REV3L: variants seen among roughly 807,000 people sequenced by gnomAD.
REV3L encodes DNA polymerase zeta catalytic subunit.
Under a neutral mutation model 299.4 loss-of-function variants are expected in REV3L, and 69 were observed. The ratio of observed to expected loss-of-function variants is 0.23; its 90% CI spans 0.19 to 0.28. The LOEUF (loss-of-function observed/expected upper bound fraction) is 0.28, where lower values mean the gene tolerates loss of function less well. REV3L is among the 10% of genes least tolerant of loss of function. The pLI is 1.00. For missense variants in REV3L, 3,128 were observed against 3,693.8 expected (o/e 0.85, Z 3.97); for synonymous variants, 1,238 against 1,271.4 (o/e 0.97, Z 0.56).
intron 31 of REV3L, among the ~76,000 whole-genome samples, chr6:111,300,999 G>A (rs1401342941): frequency 3.3e-5 from 5 of 152,196 alleles, no homozygotes; most frequent in East Asian, 1.9e-4. Flanking sequence ...TTCAGAAAGC[G>A]AATAGGAGAA....
At chr6:111,457,838 G>C (rs1351884462) in intron 1 of REV3L, among the ~76,000 whole-genome samples, 1 of 151,700 alleles carries the variant, frequency 6.6e-6, no homozygotes, top group Non-Finnish European at 1.5e-5. Flanking sequence ...TGCTAAACCA[G>C]AGAACCAAAA....
intron 1 of REV3L, among the ~76,000 whole-genome samples, chr6:111,450,425 G>T (rs904228924): frequency 1.5e-5 from 2 of 135,636 alleles, no homozygotes; most frequent in Admixed American, 1.7e-4. Context: ...GCTGCAGTGA[G>T]CCATGCTTGT....
intron 18 of REV3L, among the ~76,000 whole-genome samples, chr6:111,354,602 GT>G (rs1426165755): frequency 1.3e-5 from 2 of 152,064 alleles, no homozygotes; most frequent in African/African-American, 4.8e-5. Flanking sequence ...TAAAACACCT[GT>G]TTTCAAGTTC....
intron 15 of REV3L, 72 bp from the exon 16 acceptor site, chr6:111,364,050 A>T (rs1778964163): frequency 6.5e-7 from 1 of 1,545,404 alleles, no homozygotes; most frequent in African/African-American, 1.4e-5. Flanking sequence ...TTGATTACTT[A>T]TTCTCAGATA....
In REV3L at chr6:111,462,237, T is replaced by C. The variant is rs532791028; in HGVS notation, c.139+20513A>G. On this transcript the variant is annotated intron_variant, in intron 1 of 31. Transcript: ENST00000368802. Reference sequence around the variant, plus strand: ...ATACAATGGAGAGATGGAAATCTCATGTCTATTGCTAATATGTATGAAATT... The same window carrying C: ...ATACAATGGAGAGATGGAAATCTCACGTCTATTGCTAATATGTATGAAATT... Among the ~76,000 whole-genome samples, 10 of 152,278 alleles carry C rather than the reference T, an allele frequency of 6.6e-5. No individual in the cohort carries two copies. The South Asian group carries it at 1.7e-3, about 25-fold the overall frequency.
intron 26 of REV3L, among the ~76,000 whole-genome samples, chr6:111,318,853 G>A (rs1274915462): frequency 1.3e-5 from 2 of 151,986 alleles, no homozygotes; most frequent in Non-Finnish European, 2.9e-5. Flanking sequence ...CACCGCGCCC[G>A]GCCGTATGCA....
intron 13 of REV3L, among the ~76,000 whole-genome samples, chr6:111,371,744 A>T (rs865867680): frequency 2.0e-5 from 3 of 152,168 alleles, no homozygotes; most frequent in Non-Finnish European, 2.9e-5. Flanking sequence ...TTGTATTTTT[A>T]GTAGAGACAG....
At chr6:111,363,726 G>T in intron 16 of REV3L, 127 bp downstream of exon 16, 1 of 838,564 alleles carries the variant, frequency 1.2e-6, no homozygotes, top group Non-Finnish European at 1.8e-6. Context: ...ATGAGAACAA[G>T]ATGAAGATTA....
chr6:111,351,645 T>C (rs769982613), intron 19 of REV3L, 31 bp downstream of exon 19: 1 of 1,538,334 alleles, frequency 6.5e-7, no homozygotes, highest in Non-Finnish European at 9.0e-7. Flanking sequence ...GCTCTGTAGT[T>C]GAATGACAAA....
At chr6:111,371,558 C>CTT (rs1032722759) in intron 13 of REV3L, among the ~76,000 whole-genome samples, 19 of 137,600 alleles carry the variant, frequency 1.4e-4, no homozygotes, top group Admixed American at 2.2e-4. Context: ...GCCCAGCTAT[C>CTT]TTTTTTTTTT....
At chr6:111,452,074 G>A (rs1789610281) in intron 1 of REV3L, among the ~76,000 whole-genome samples, 2 of 150,744 alleles carry the variant, frequency 1.3e-5, no homozygotes, top group African/African-American at 5.0e-5. Context: ...CACCAAAGAA[G>A]ATATGTGAAT....
At chr6:111,464,931 G>A (rs967083479) in intron 1 of REV3L, among the ~76,000 whole-genome samples, 4 of 152,006 alleles carry the variant, frequency 2.6e-5, no homozygotes, top group African/African-American at 9.7e-5. Context: ...GAACCTGGGA[G>A]ACGGAGGCTG....
chr6:111,342,938 C>G (rs1040724489), intron 21 of REV3L, among the ~76,000 whole-genome samples: 5 of 152,106 alleles, frequency 3.3e-5, no homozygotes, highest in Admixed American at 2.6e-4. Context: ...GAGAAATTAT[C>G]CTTCAAAAAT....
In REV3L at chr6:111,451,387, A is replaced by G. The variant is rs527477707; in HGVS notation, c.139+31363T>C. Reference sequence around the variant, plus strand: ...TCTATAACATTCATAATCCTCTCAGATCTGATTCACACAGTACCTATGTTC... The same window carrying G: ...TCTATAACATTCATAATCCTCTCAGGTCTGATTCACACAGTACCTATGTTC... On this transcript the variant is annotated intron_variant, in intron 1 of 31. Coordinates refer to ENST00000368802, the MANE Select transcript of REV3L (RefSeq NM_001372078.1). Among the ~76,000 whole-genome samples the G allele has an allele frequency of 6.5e-4, 99 of 152,268 alleles. 2 individuals carry two copies. In the South Asian group the frequency reaches 0.02, roughly 31 times the overall value.
At chr6:111,447,926 T>C (rs1042172662) in intron 1 of REV3L, among the ~76,000 whole-genome samples, 2 of 152,210 alleles carry the variant, frequency 1.3e-5, no homozygotes, top group African/African-American at 4.8e-5. Context: ...CTCAACTTCC[T>C]AAGTTAGAAT....
Position 111,482,926 on chromosome 6 carries a change from C to A in REV3L, c.-38G>T. The A allele has an allele frequency of 6.7e-7, 1 of 1,490,764 alleles. No homozygotes were observed. 92.3% of individuals were successfully genotyped at this position (1,490,764 alleles called of 1,614,324 possible). On this transcript the variant is annotated 5_prime_UTR_variant, in exon 1 of 32. Transcript: ENST00000368802. ...CGCCACTGCCTCCCTTCACTGGCGA[C>A]CCGGCAGCGGCAGCAGCAGCGGCGG...
intron 25 of REV3L, among the ~76,000 whole-genome samples, chr6:111,324,560 G>A (rs541307869): frequency 9.9e-5 from 15 of 152,210 alleles, no homozygotes; most frequent in Admixed American, 9.2e-4. Context: ...GTATATACTC[G>A]AACATATACA....
intron 27 of REV3L, among the ~76,000 whole-genome samples, chr6:111,313,701 T>C (rs1215529471): frequency 6.6e-6 from 1 of 152,196 alleles, no homozygotes; most frequent in Admixed American, 6.5e-5. Flanking sequence ...TTTCTTGCGC[T>C]ACCAGTTTTG....
intron 1 of REV3L, among the ~76,000 whole-genome samples, chr6:111,440,923 G>A (rs554329168): frequency 2.0e-5 from 3 of 152,220 alleles, no homozygotes; most frequent in Admixed American, 6.5e-5. Flanking sequence ...CACTCCTCTC[G>A]CTTCTTGCTT....
Sources: allele counts gnomAD v4.1 joint callset (sites outside exome capture counted in the v4.1 genomes callset), GRCh38; gene constraint gnomAD v4.1.1; transcripts MANE v1.5; gene names NCBI Gene and HGNC (gene_info 2026-07-23, HGNC 2026-07-21).